CFAP70: variants seen among roughly 807,000 people sequenced by gnomAD.
CFAP70 encodes the protein cilia and flagella associated protein 70, also known as cilia- and flagella-associated protein 70.
In CFAP70, 81 loss-of-function variants were observed where a neutral mutation model predicts 137.6. The ratio of observed to expected loss-of-function variants is 0.59; its 90% CI spans 0.49 to 0.71. CFAP70 has a LOEUF of 0.71. Among genes scored for constraint, CFAP70 ranks in the 30% least tolerant of loss-of-function variants. CFAP70 has a pLI of 0.00. For synonymous variants in CFAP70, 382 were observed against 423.6 expected (o/e 0.90, Z 1.20); for missense variants, 976 against 1,226.7 (o/e 0.80, Z 3.05).
rs554608927 is a variant in CFAP70, at chr10:73,277,350, A to G, written c.2410T>C (p.Cys804Arg). ...TGCAGAAGAGCTGATGAATCTTGACATTTTGATGCTTCTGAAAATATTACA... is the reference window on the plus strand; with the variant it reads ...TGCAGAAGAGCTGATGAATCTTGACGTTTTGATGCTTCTGAAAATATTACA... Residue 804 changes from cysteine to arginine, a missense_variant, in exon 21 of 27, where the codon TGT (cysteine) becomes CGT (arginine). Physicochemically the swap from Cys to Arg is radical, Grantham distance 180. Coordinates refer to ENST00000310715, the Ensembl canonical transcript of CFAP70. 1.9e-6 allele frequency: 3 copies of G among 1,613,414 alleles called. No individual in the cohort carries two copies. In the South Asian group the frequency reaches 3.3e-5, roughly 18 times the overall value.
intron 6 of CFAP70, among the ~76,000 whole-genome samples, chr10:73,335,802 C>T (rs2052588473): frequency 6.6e-6 from 1 of 151,268 alleles, no homozygotes; most frequent in Admixed American, 6.6e-5. Context: ...TGATTCTCAA[C>T]TCTAGATGCA....
chr10:73,290,382 A>G (rs2131898801), intron 19 of CFAP70, among the ~76,000 whole-genome samples: 1 of 152,324 alleles, frequency 6.6e-6, no homozygotes, highest in African/African-American at 2.4e-5. Flanking sequence ...GTAGACTAGT[A>G]GTTGTCTGGA....
chr10:73,285,262 C>T (rs2047605220), intron 19 of CFAP70, among the ~76,000 whole-genome samples: 1 of 152,088 alleles, frequency 6.6e-6, no homozygotes, highest in African/African-American at 2.4e-5. Flanking sequence ...TGGAGACTTC[C>T]AGTTAAACAG....
upstream of CFAP70, among the ~76,000 whole-genome samples, chr10:73,360,176 T>C (rs1353178092): frequency 6.6e-6 from 1 of 152,182 alleles, no homozygotes; most frequent in Non-Finnish European, 1.5e-5. Context: ...GTTGTACCAA[T>C]ATTGATTTCC....
chr10:73,307,714 T>C (rs2049509157), intron 12 of CFAP70, among the ~76,000 whole-genome samples: 1 of 152,064 alleles, frequency 6.6e-6, no homozygotes, highest in South Asian at 2.1e-4. Flanking sequence ...TATAAACATA[T>C]ACAACAGAAC....
At chr10:73,308,712 A>G (rs1230605347) in intron 12 of CFAP70, among the ~76,000 whole-genome samples, 2 of 151,744 alleles carry the variant, frequency 1.3e-5, no homozygotes, top group Non-Finnish European at 2.9e-5. Flanking sequence ...GTAACAGAAG[A>G]CTTAAAATTA....
At chr10:73,350,451 G>C (rs2054095447) in intron 3 of CFAP70, among the ~76,000 whole-genome samples, 1 of 151,972 alleles carries the variant, frequency 6.6e-6, no homozygotes, top group South Asian at 2.1e-4. Flanking sequence ...TCTTTTCCAT[G>C]AACTTTTCAT....
At chr10:73,334,971 C>G (rs1454562144) in intron 7 of CFAP70, among the ~76,000 whole-genome samples, 2 of 151,074 alleles carry the variant, frequency 1.3e-5, no homozygotes, top group African/African-American at 4.9e-5. Flanking sequence ...GCAGCCTCAA[C>G]CTCCTGGGCT....
At chr10:73,340,900 T>C (rs1306150661) in intron 6 of CFAP70, among the ~76,000 whole-genome samples, 1 of 152,178 alleles carries the variant, frequency 6.6e-6, no homozygotes, top group Admixed American at 6.5e-5. Context: ...TGCCTGGGTA[T>C]GCAGCTGTGG....
exon 27 of CFAP70, chr10:73,253,975 T>A: frequency 6.2e-7 from 1 of 1,603,238 alleles, no homozygotes; most frequent in Non-Finnish European, 8.5e-7. Flanking sequence ...TGGAGGGGTA[T>A]CAGAAAGATG....
At chr10:73,342,745 A>C (rs999220728) in intron 5 of CFAP70, among the ~76,000 whole-genome samples, 3 of 152,164 alleles carry the variant, frequency 2.0e-5, no homozygotes, top group African/African-American at 7.2e-5. Flanking sequence ...ACAAAAAAAG[A>C]GTTATATTTT....
intron 7 of CFAP70, among the ~76,000 whole-genome samples, chr10:73,332,266 C>T (rs1001182302): frequency 3.3e-5 from 5 of 152,190 alleles, no homozygotes; most frequent in Non-Finnish European, 7.3e-5. Context: ...CCCACACTTA[C>T]ATAAGTTTTA....
intron 1 of CFAP70, among the ~76,000 whole-genome samples, chr10:73,358,142 T>C (rs767950744): frequency 7.2e-5 from 11 of 152,268 alleles, no homozygotes; most frequent in Non-Finnish European, 1.5e-4. Flanking sequence ...ATTATTAATA[T>C]GCAGCGTTTG....
chr10:73,294,097 A>G (rs111768926), intron 15 of CFAP70: 4 of 152,178 alleles, frequency 2.6e-5, no homozygotes, highest in African/African-American at 9.7e-5. Context: ...GTAAAGCCAA[A>G]TTTGAGATAG....
intron 23 of CFAP70, among the ~76,000 whole-genome samples, chr10:73,273,770 TAA>T (rs2046485907): frequency 6.6e-6 from 1 of 152,128 alleles, no homozygotes. Context: ...TTATATTAAA[TAA>T]AAAGACAACT....
Position 73,351,065 on chromosome 10 carries a change from GTGTGTGTATATATATATATATATATA to G in CFAP70, c.250+2465_250+2490del, listed in dbSNP as rs1185067292. On this transcript the variant is annotated intron_variant, in intron 3 of 26. Coordinates refer to ENST00000310715, the Ensembl canonical transcript of CFAP70. ...TATATATGTGTGTGTGTGTGTGTGT[GTGTGTGTATATATATATATATATATA>G]TATATATATATATATATATATGTAT... Among the ~76,000 whole-genome samples, 123 of 55,656 alleles carry G rather than the reference GTGTGTGTATATATATATATATATATA, an allele frequency of 2.2e-3. 2 individuals are homozygous for G. In the East Asian group the frequency reaches 0.094, roughly 43 times the overall value. The allele number at this position is 55,656 out of a possible 152,430, so 36.5% of individuals were successfully genotyped here.
At chr10:73,257,496 G>A (rs1296199617) in intron 25 of CFAP70, among the ~76,000 whole-genome samples, 3 of 152,196 alleles carry the variant, frequency 2.0e-5, no homozygotes, top group Non-Finnish European at 2.9e-5. Flanking sequence ...ACTTGGTAAA[G>A]CTTAAATATG....
intron 5 of CFAP70, among the ~76,000 whole-genome samples, chr10:73,344,211 G>A (rs2053522532): frequency 6.6e-6 from 1 of 152,102 alleles, no homozygotes; most frequent in African/African-American, 2.4e-5. Context: ...TGATCTACCT[G>A]CCTCAGCCTC....
intron 9 of CFAP70, among the ~76,000 whole-genome samples, chr10:73,322,184 A>G (rs1483382723): frequency 6.6e-6 from 1 of 152,180 alleles, no homozygotes; most frequent in Non-Finnish European, 1.5e-5. Flanking sequence ...CATTTCATCA[A>G]TTTTGACATA....
Sources: allele counts gnomAD v4.1 joint callset (sites outside exome capture counted in the v4.1 genomes callset), GRCh38; gene constraint gnomAD v4.1.1; transcripts MANE v1.5; gene names NCBI Gene and HGNC (gene_info 2026-07-23, HGNC 2026-07-21).